LARGE1: variants seen among roughly 807,000 people sequenced by gnomAD.
LARGE1 encodes the protein xylosyl- and glucuronyltransferase LARGE1.
A neutral mutation model predicts 87.6 loss-of-function variants in LARGE1; 43 were observed. The observed-to-expected ratio is 0.49, with a 90% CI of 0.38 to 0.63. LARGE1 has a LOEUF of 0.63. Ranked by LOEUF, LARGE1 falls within the 30% of genes least tolerant of loss-of-function variation. The probability of loss-of-function intolerance (pLI) is 0.00; values close to 1 mark genes in which losing one functional copy is unlikely to be tolerated. For missense variants in LARGE1, 802 were observed against 1,000.2 expected (o/e 0.80, Z 2.67); for synonymous variants, 434 against 394.6 (o/e 1.10, Z -1.18).
At chr22:33,259,025 C>G (rs564258497) in intron 11 of LARGE1, among the ~76,000 whole-genome samples, 1 of 151,916 alleles carries the variant, frequency 6.6e-6, no homozygotes, top group Admixed American at 6.6e-5. Context: ...TTATGGGCGC[C>G]CGCCACCACA....
chr22:33,356,028 C>T (rs1422125524), intron 9 of LARGE1, among the ~76,000 whole-genome samples: 1 of 101,200 alleles, frequency 9.9e-6, no homozygotes, highest in Non-Finnish European at 2.0e-5. Context: ...CTCCGCTCTC[C>T]CCATCCTCCT....
At chr22:33,716,659 C>T (rs956275546) in intron 2 of LARGE1, among the ~76,000 whole-genome samples, 1 of 152,184 alleles carries the variant, frequency 6.6e-6, no homozygotes, top group Admixed American at 6.5e-5. Flanking sequence ...CTCGGCCTCC[C>T]CAAGCGCTGG....
chr22:33,174,513 G>A (rs541735780), intron 11 of LARGE1, among the ~76,000 whole-genome samples: 1 of 152,066 alleles, frequency 6.6e-6, no homozygotes, highest in Non-Finnish European at 1.5e-5. Context: ...AGGAGATAGA[G>A]GCATGAAAAA....
At chr22:33,856,563 C>T (rs1257868572) in intron 1 of LARGE1, among the ~76,000 whole-genome samples, 3 of 152,218 alleles carry the variant, frequency 2.0e-5, no homozygotes, top group Non-Finnish European at 2.9e-5. Flanking sequence ...AACCGGATTA[C>T]AGCCCTAAAC....
At chr22:33,529,806 C>T (rs2072106278) in intron 6 of LARGE1, among the ~76,000 whole-genome samples, 1 of 152,162 alleles carries the variant, frequency 6.6e-6, no homozygotes, top group African/African-American at 2.4e-5. Flanking sequence ...GCTGTGTGTT[C>T]TCGGAAGATT....
intron 2 of LARGE1, among the ~76,000 whole-genome samples, chr22:33,719,613 C>A (rs1336509778): frequency 6.6e-6 from 1 of 151,976 alleles, no homozygotes; most frequent in Non-Finnish European, 1.5e-5. Context: ...CTCCGCCTCC[C>A]AGATTCAAGC....
intron 1 of LARGE1, among the ~76,000 whole-genome samples, chr22:33,823,897 A>G (rs1350274587): frequency 1.3e-5 from 2 of 152,190 alleles, no homozygotes; most frequent in Admixed American, 1.3e-4. Flanking sequence ...GCACCACCCC[A>G]CAGCCCAGTG....
intron 2 of LARGE1, among the ~76,000 whole-genome samples, chr22:33,661,137 C>T (rs947263281): frequency 2.0e-5 from 3 of 151,928 alleles, no homozygotes; most frequent in Non-Finnish European, 2.9e-5. Context: ...ATCCTTTTCT[C>T]ACTTTGTGAA....
At chr22:33,889,614 C>G (rs931694345) in intron 1 of LARGE1, among the ~76,000 whole-genome samples, 1 of 152,116 alleles carries the variant, frequency 6.6e-6, no homozygotes, top group Non-Finnish European at 1.5e-5. Flanking sequence ...CATGGGGAGG[C>G]AGGCTCTGGG....
intron 10 of LARGE1, among the ~76,000 whole-genome samples, chr22:33,324,378 G>C (rs923802262): frequency 1.3e-5 from 2 of 151,182 alleles, no homozygotes; most frequent in African/African-American, 4.9e-5. Context: ...TTTCTCTGGG[G>C]AGCCATGGAG....
chr22:33,650,068 G>A (rs1027446122), intron 3 of LARGE1, among the ~76,000 whole-genome samples: 2 of 152,212 alleles, frequency 1.3e-5, no homozygotes, highest in African/African-American at 2.4e-5. Context: ...GAAACCCTGC[G>A]CATGTCAAAA....
chr22:33,378,285 C>T (rs1290242139), intron 9 of LARGE1, among the ~76,000 whole-genome samples: 1 of 152,152 alleles, frequency 6.6e-6, no homozygotes, highest in African/African-American at 2.4e-5. Flanking sequence ...TGGGCATAGG[C>T]TTAAAATAAA....
At chr22:33,799,186 T>C (rs1210586314) in intron 1 of LARGE1, among the ~76,000 whole-genome samples, 1 of 152,042 alleles carries the variant, frequency 6.6e-6, no homozygotes, top group Non-Finnish European at 1.5e-5. Context: ...AGTGGTGGAG[T>C]ATCACGCCAA....
At chr22:33,551,993 C>CAAAAAA (rs10674621) in intron 6 of LARGE1, among the ~76,000 whole-genome samples, 2 of 72,862 alleles carry the variant, frequency 2.7e-5, no homozygotes, top group Non-Finnish European at 4.9e-5. Context: ...GGCTCCGTCT[C>CAAAAAA]AAAAAAAAAA....
At chr22:33,615,742 G>A (rs2079563828) in intron 4 of LARGE1, among the ~76,000 whole-genome samples, 1 of 150,938 alleles carries the variant, frequency 6.6e-6, no homozygotes, top group Non-Finnish European at 1.5e-5. Flanking sequence ...AACTACCAGA[G>A]TGGGAGATAA....
rs563835904 is a variant in LARGE1, at chr22:33,466,907, G to A, written c.788-34642C>T. On this transcript the variant is annotated intron_variant, in intron 6 of 14. Coordinates refer to ENST00000397394, the MANE Select transcript of LARGE1 (RefSeq NM_133642.5). ...CAAAAAAAATTAGCTGAGCGTGGTG[G>A]AGCACGCCTGTAATCCCACCTACTT... Among the ~76,000 whole-genome samples, 20 of 152,254 alleles carry A rather than the reference G, an allele frequency of 1.3e-4. No individual in the cohort carries two copies. The South Asian group carries it at 2.1e-3, about 16-fold the overall frequency.
At chr22:33,739,393 C>A (rs1388929766) in intron 2 of LARGE1, among the ~76,000 whole-genome samples, 1 of 152,202 alleles carries the variant, frequency 6.6e-6, no homozygotes, top group Non-Finnish European at 1.5e-5. Context: ...TGAAAAAAGG[C>A]ATACTTCTCC....
chr22:33,123,751 C>T, the LARGE1 span, among the ~76,000 whole-genome samples: 1 of 152,072 alleles, frequency 6.6e-6, no homozygotes, highest in Non-Finnish European at 1.5e-5. Flanking sequence ...CAAGGGGAGA[C>T]CTTGGAAGCT....
chr22:33,286,580 C>A (rs1031015416), intron 12 of LARGE1, among the ~76,000 whole-genome samples: 2 of 152,140 alleles, frequency 1.3e-5, no homozygotes, highest in Non-Finnish European at 2.9e-5. Context: ...ATAAACGTCT[C>A]GAGATGCTAG....
Sources: allele counts gnomAD v4.1 joint callset (sites outside exome capture counted in the v4.1 genomes callset), GRCh38; gene constraint gnomAD v4.1.1; transcripts MANE v1.5; gene names NCBI Gene and HGNC (gene_info 2026-07-23, HGNC 2026-07-21).